Variants in TTLL5 observed in about 807,000 individuals in gnomAD.
TTLL5 encodes tubulin polyglutamylase TTLL5.
Under a neutral mutation model 168.4 loss-of-function variants are expected in TTLL5, and 132 were observed. That is an observed-to-expected ratio of 0.78 (90% CI 0.68 to 0.91). The LOEUF (loss-of-function observed/expected upper bound fraction) is 0.91, where lower values mean the gene tolerates loss of function less well. TTLL5 is among the 40% of genes least tolerant of loss of function. TTLL5 has a pLI of 0.00. For synonymous variants in TTLL5, 546 were observed against 558.6 expected (o/e 0.98, Z 0.32); for missense variants, 1,545 against 1,581.5 (o/e 0.98, Z 0.39).
chr14:75,924,906 C>G (rs1313798445), intron 31 of TTLL5, among the ~76,000 whole-genome samples: 3 of 149,638 alleles, frequency 2.0e-5, no homozygotes, highest in Non-Finnish European at 3.0e-5. Flanking sequence ...GCTGGTCGGG[C>G]GGGGGGCTGA....
At chr14:75,911,866 T>A (rs2140113253) in intron 31 of TTLL5, among the ~76,000 whole-genome samples, 1 of 152,360 alleles carries the variant, frequency 6.6e-6, no homozygotes, top group South Asian at 2.1e-4. Flanking sequence ...TCATCGTACA[T>A]GTGTACATTT....
chr14:75,803,556 A>G (rs1893460249), intron 27 of TTLL5, among the ~76,000 whole-genome samples: 1 of 152,260 alleles, frequency 6.6e-6, no homozygotes, highest in Admixed American at 6.5e-5. Flanking sequence ...CAAATAACTT[A>G]GAAATCTGAG....
intron 15 of TTLL5, among the ~76,000 whole-genome samples, chr14:75,735,752 A>G (rs898131839): frequency 2.6e-5 from 4 of 152,324 alleles, no homozygotes; most frequent in African/African-American, 9.6e-5. Flanking sequence ...TTGAGGCTAA[A>G]TGAGATAAAA....
chr14:75,892,558 G>A (rs1256405968), intron 30 of TTLL5, among the ~76,000 whole-genome samples: 2 of 152,154 alleles, frequency 1.3e-5, no homozygotes, highest in South Asian at 2.1e-4. Flanking sequence ...GGGGGAGTGC[G>A]ACTGGCATCT....
chr14:75,835,985 T>C (rs925305764), intron 28 of TTLL5, among the ~76,000 whole-genome samples: 1 of 152,154 alleles, frequency 6.6e-6, no homozygotes, highest in Non-Finnish European at 1.5e-5. Flanking sequence ...AGTTTGGAGA[T>C]TCCTCAAAAA....
At chr14:75,874,381 C>T (rs1484129765) in intron 29 of TTLL5, among the ~76,000 whole-genome samples, 2 of 152,220 alleles carry the variant, frequency 1.3e-5, no homozygotes, top group South Asian at 2.1e-4. Flanking sequence ...TGTGAGCCAC[C>T]GCACCTGGCC....
At chr14:75,799,581 A>G (rs1893173623) in intron 27 of TTLL5, among the ~76,000 whole-genome samples, 1 of 152,152 alleles carries the variant, frequency 6.6e-6, no homozygotes, top group Non-Finnish European at 1.5e-5. Context: ...TTTGTGCTTT[A>G]TGGAGGTTCT....
chr14:75,761,544 A>C (rs1380201801), intron 18 of TTLL5, among the ~76,000 whole-genome samples: 1 of 152,250 alleles, frequency 6.6e-6, no homozygotes, highest in Admixed American at 6.5e-5. Flanking sequence ...ACAAGAGTGA[A>C]TCTCAAAAGC....
intron 3 of TTLL5, among the ~76,000 whole-genome samples, chr14:75,679,224 A>G (rs964692347): frequency 2.6e-5 from 4 of 152,360 alleles, no homozygotes; most frequent in African/African-American, 7.2e-5. Flanking sequence ...AGTGGGCCCA[A>G]TGTAATCACA....
intron 18 of TTLL5, among the ~76,000 whole-genome samples, chr14:75,761,712 G>A (rs1288731328): frequency 6.6e-6 from 1 of 152,198 alleles, no homozygotes; most frequent in South Asian, 2.1e-4. Flanking sequence ...GAGTGGGAAG[G>A]GGCATGAGAA....
At chr14:75,950,105 A>G (rs2034913200) in intron 31 of TTLL5, among the ~76,000 whole-genome samples, 1 of 152,190 alleles carries the variant, frequency 6.6e-6, no homozygotes, top group Non-Finnish European at 1.5e-5. Context: ...CACAAAATAG[A>G]GAAACCTAAA....
rs142172842 is a variant in TTLL5 at position 75,669,625 on chromosome 14, A to C, written c.181+103A>C. ...TATATATAGGGAAAGGGCCTTGGCC[A>C]TGAGAAAAATCAATTGAGTTGTTAT... On this transcript the variant is annotated intron_variant, in intron 3 of 31. Transcript: ENST00000298832. 1.4e-4 allele frequency: 117 copies of C among 843,808 alleles called. 1 individual carries two copies. In the Middle Eastern group the frequency reaches 0.01, roughly 75 times the overall value. 52.3% of individuals were successfully genotyped at this position (843,808 alleles called of 1,614,324 possible). A position where few individuals can be genotyped will look rare whatever the true frequency, so the allele number is the denominator to read the frequency against.
chr14:75,686,656 G>A (rs529553074), intron 5 of TTLL5, among the ~76,000 whole-genome samples: 1 of 152,236 alleles, frequency 6.6e-6, no homozygotes, highest in African/African-American at 2.4e-5. Context: ...CAGAAATTCT[G>A]ATGTTTTAGT....
intron 21 of TTLL5, among the ~76,000 whole-genome samples, chr14:75,773,957 A>AGAAAG (rs1891536422): frequency 2.3e-5 from 1 of 43,384 alleles, no homozygotes; most frequent in East Asian, 6.3e-4. Context: ...GAGAGAGAGA[A>AGAAAG]AGAGAGAGAG....
At chr14:75,851,693 C>T (rs1477988239) in intron 28 of TTLL5, among the ~76,000 whole-genome samples, 1 of 152,220 alleles carries the variant, frequency 6.6e-6, no homozygotes, top group Admixed American at 6.5e-5. Context: ...GCGGGTGAGA[C>T]TGGCAAATGG....
In TTLL5 at chr14:75,669,486, A is replaced by T. The variant is rs560613237; in HGVS notation, c.145A>T (p.Ile49Phe). The T allele has an allele frequency of 1.2e-6, 2 of 1,614,020 alleles. No homozygotes were observed. The highest frequency in any genetic ancestry group is 2.7e-5 in the African/African-American group (2 of 74,934). Residue 49 changes from isoleucine to phenylalanine, a missense_variant, in exon 3 of 32, where the codon ATT (isoleucine) becomes TTT (phenylalanine). Transcript: ENST00000298832. ...IPVLVFHADA[I>F]LTKDNNIRVI... ...AGTTTTGGTATTCCATGCCGACGCT[A>T]TTCTTACAAAGGACAACAATATTAG...
chr14:75,772,055 A>G (rs894097487), intron 21 of TTLL5, among the ~76,000 whole-genome samples: 7 of 152,132 alleles, frequency 4.6e-5, no homozygotes, highest in Admixed American at 2.0e-4. Flanking sequence ...TGTGAAGCAA[A>G]TCTTTGACCT....
At chr14:75,778,096 A>C (rs1595022715) in intron 23 of TTLL5, among the ~76,000 whole-genome samples, 1 of 152,180 alleles carries the variant, frequency 6.6e-6, no homozygotes, top group African/African-American at 2.4e-5. Context: ...ATTTTAAAAA[A>C]CCCAGCCTTT....
At chr14:75,881,425 C>A (rs997194086) in intron 29 of TTLL5, among the ~76,000 whole-genome samples, 1 of 152,214 alleles carries the variant, frequency 6.6e-6, no homozygotes, top group Non-Finnish European at 1.5e-5. Flanking sequence ...ATCCCCCTCT[C>A]ATATCTGCTT....
Sources: gnomAD v4.1 joint callset for allele counts (sites outside exome capture counted in the v4.1 genomes callset) on GRCh38, gnomAD v4.1.1 for gene constraint, MANE v1.5 for transcripts, NCBI Gene and HGNC (gene_info 2026-07-23, HGNC 2026-07-21) for gene names.